SF3A2: variants seen among roughly 807,000 people sequenced by gnomAD.
SF3A2 encodes splicing factor 3a subunit 2.
A neutral mutation model predicts 31.1 loss-of-function variants in SF3A2; 5 were observed. The observed-to-expected ratio is 0.16, with a 90% CI of 0.08 to 0.34. The LOEUF (loss-of-function observed/expected upper bound fraction) is 0.34, where lower values mean the gene tolerates loss of function less well. Among genes scored for constraint, SF3A2 ranks in the 10% least tolerant of loss-of-function variants. The pLI is 1.00. For missense variants in SF3A2, 577 were observed against 643.9 expected (o/e 0.90, Z 1.13); for synonymous variants, 365 against 263.7 (o/e 1.38, Z -3.72).
rs749801469 is a variant in SF3A2 at position 2,247,668 on chromosome 19, T to C, written c.615+6T>C. ...GGAACCGGGAGACCAAGCAGGTGAG[T>C]GGCTCGCCCCGAGCCTGGCTCCTTC... is the stretch of plus-strand genomic sequence containing the variant. On this transcript the variant is annotated splice_donor_region_variant and intron_variant, in intron 8 of 8. Coordinates refer to ENST00000221494, the MANE Select transcript of SF3A2 (RefSeq NM_007165.5). 1.9e-6 allele frequency: 3 copies of C among 1,612,986 alleles called. No individual in the cohort carries two copies. The highest frequency in any genetic ancestry group is 2.5e-6 in the Non-Finnish European group (3 of 1,179,680).
chr19:2,245,671 C>T lies in SF3A2; in HGVS notation c.355+116C>T, dbSNP rs954468393. On this transcript the variant is annotated intron_variant, in intron 5 of 8. Coordinates refer to ENST00000221494, the MANE Select transcript of SF3A2 (RefSeq NM_007165.5). This position sits in a 1 kb window ranked among gnomAD's most constrained non-coding sequence, Gnocchi z 4.2. ...GCCTCCTCCCTGAGCCACTGTTTTC[C>T]GGCCTTGGTGGCCGTCCCTCACCCA... is the stretch of plus-strand genomic sequence containing the variant. 92 of 794,264 alleles carry T rather than the reference C, an allele frequency of 1.2e-4. No individual in the cohort carries two copies. The highest frequency in any genetic ancestry group is 1.7e-4 in the Non-Finnish European group (81 of 475,390). The allele number at this position is 794,264 out of a possible 1,614,324, so 49.2% of individuals were successfully genotyped here. A position where few individuals can be genotyped will look rare whatever the true frequency, so the allele number is the denominator to read the frequency against.
intron 1 of SF3A2, chr19:2,237,612 G>C (rs552111004): frequency 2.0e-5 from 3 of 152,274 alleles, no homozygotes; most frequent in Admixed American, 2.0e-4. Flanking sequence ...ACCAAGATTC[G>C]TTGGGGTCGA....
chr19:2,247,573 C>T (rs2024950457), intron 7 of SF3A2, 21 bp from the exon 8 acceptor site: 4 of 1,612,734 alleles, frequency 2.5e-6, no homozygotes, highest in East Asian at 2.2e-5. Flanking sequence ...CAGGAGCCCT[C>T]TCTGTCCCCC....
Position 2,248,294 on chromosome 19 carries a change from A to G in SF3A2, c.1143A>G (p.Pro381=). 2 of 1,212,944 alleles carry G rather than the reference A, an allele frequency of 1.6e-6. No individual in the cohort carries two copies. The highest frequency in any genetic ancestry group is 2.1e-6 in the Non-Finnish European group (2 of 972,116). The allele number at this position is 1,212,944 out of a possible 1,614,324, so 75.1% of individuals were successfully genotyped here. A position where few individuals can be genotyped will look rare whatever the true frequency, so the allele number is the denominator to read the frequency against. The change falls in exon 9 of 9, where the codon CCA becomes CCG. Residue 381 remains proline (P), a synonymous_variant. Coordinates refer to ENST00000221494, the MANE Select transcript of SF3A2 (RefSeq NM_007165.5). ...GVHPQAPGVH[P]AAPAVHPQAP... ...ACCCCCAGGCCCCGGGGGTGCACCCAGCAGCCCCCGCCGTTCACCCTCAGG... is the reference window on the plus strand; with the variant it reads ...ACCCCCAGGCCCCGGGGGTGCACCCGGCAGCCCCCGCCGTTCACCCTCAGG...
chr19:2,244,503 C>T (rs372727835), intron 2 of SF3A2, 41 bp from the exon 3 acceptor site: 14 of 1,547,916 alleles, frequency 9.0e-6, no homozygotes, highest in Middle Eastern at 1.8e-4. Flanking sequence ...GGCAGCAGGC[C>T]GCGATCTTCT....
intron 1 of SF3A2, 131 bp downstream of exon 1, chr19:2,237,032 C>T (rs1013775603): frequency 6.6e-6 from 1 of 151,982 alleles, no homozygotes; most frequent in Non-Finnish European, 1.5e-5. Context: ...CGCTCCCCTC[C>T]CTCCTCCCGT....
Position 2,248,123 on chromosome 19 carries a change from ACCAACCTCTGGGGTCCACCCC to A in SF3A2, c.976_996del (p.Thr326_Pro332del), listed in dbSNP as rs2024960100. 1 of 1,161,802 alleles carries A rather than the reference ACCAACCTCTGGGGTCCACCCC, an allele frequency of 8.6e-7. No individual in the cohort carries two copies. Among genetic ancestry groups the A allele is most frequent in the Non-Finnish European group, 1.2e-6 (1 of 861,578 alleles). 72.0% of individuals were successfully genotyped at this position (1,161,802 alleles called of 1,614,324 possible). ...ATCCCCCAGCCCCTGGGGTCCACCCACCAACCTCTGGGGTCCACCCCCCAGCTCCTGGAGTCCACCCTCCAG... is the reference window on the plus strand; with the variant it reads ...ATCCCCCAGCCCCTGGGGTCCACCCACCAGCTCCTGGAGTCCACCCTCCAG... On this transcript the variant is annotated inframe_deletion, in exon 9 of 9. Coordinates refer to ENST00000221494, the MANE Select transcript of SF3A2 (RefSeq NM_007165.5).
chr19:2,240,981 C>T (rs1483586101), intron 1 of SF3A2, among the ~76,000 whole-genome samples: 1 of 152,206 alleles, frequency 6.6e-6, no homozygotes, highest in African/African-American at 2.4e-5. Flanking sequence ...GCTCTTCTCT[C>T]TGCCAGAAGC....
intron 1 of SF3A2, among the ~76,000 whole-genome samples, chr19:2,239,255 C>G (rs920410045): frequency 6.6e-6 from 1 of 151,078 alleles, no homozygotes; most frequent in African/African-American, 2.4e-5. Flanking sequence ...ATCTCAGCTA[C>G]TCGGGAGGCT....
intron 1 of SF3A2, among the ~76,000 whole-genome samples, chr19:2,238,090 C>T (rs970745147): frequency 3.3e-5 from 5 of 152,132 alleles, no homozygotes; most frequent in African/African-American, 1.2e-4. Flanking sequence ...GTGGTGCAAT[C>T]ACAGCTTACT....
In SF3A2 at chr19:2,246,598, C is replaced by T. The variant is rs1488754380; in HGVS notation, c.356-155C>T. Among the ~76,000 whole-genome samples, 1 of 152,184 alleles carries T rather than the reference C, an allele frequency of 6.6e-6. No homozygotes were observed. Among genetic ancestry groups the T allele is most frequent in the African/African-American group, 2.4e-5 (1 of 41,442 alleles). ...CCTGTGCCTTCACCTATACCAGAAT[C>T]CCAGAGCCTGGGCGGAGATTGTCTA... On this transcript the variant is annotated intron_variant, in intron 5 of 8. Transcript: ENST00000221494. This position sits in a 1 kb window ranked among gnomAD's most constrained non-coding sequence, Gnocchi z 5.5.
chr19:2,247,718 C>G (rs113103740), intron 8 of SF3A2, 49 bp from the exon 9 acceptor site: 58 of 1,611,116 alleles, frequency 3.6e-5, no homozygotes, highest in Non-Finnish European at 4.6e-5. Flanking sequence ...CGGCCCTAGC[C>G]CTGCCCTAGC....
Position 2,246,916 on chromosome 19 carries a change from C to T in SF3A2, c.440C>T (p.Pro147Leu). The change falls in exon 7 of 9, where the codon CCA becomes CTA. Residue 147 changes from proline to leucine, a missense_variant. Coordinates refer to ENST00000221494, the MANE Select transcript of SF3A2 (RefSeq NM_007165.5). This position sits in a 1 kb window ranked among gnomAD's most constrained non-coding sequence, Gnocchi z 5.5. ...DYPEIAEGIM[P>L]RHRFMSAYEQ... ...CCTGAGATCGCCGAGGGCATCATGCCACGTCACCGCTTCATGTCTGCGTAC... is the reference window on the plus strand; with the variant it reads ...CCTGAGATCGCCGAGGGCATCATGCTACGTCACCGCTTCATGTCTGCGTAC... 1 of 1,610,118 alleles carries T rather than the reference C, an allele frequency of 6.2e-7. No individual in the cohort carries two copies. The highest frequency in any genetic ancestry group is 8.5e-7 in the Non-Finnish European group (1 of 1,178,370).
chr19:2,245,603 A>G lies in SF3A2; in HGVS notation c.355+48A>G, dbSNP rs1487374123. On this transcript the variant is annotated intron_variant, in intron 5 of 8. Transcript: ENST00000221494. The surrounding 1 kb of genome is among the most constrained non-coding windows in gnomAD (Gnocchi z 4.2). ...CGGCCACAGCCGCTGCCGTGACATA[A>G]GTGTGTTCTTTAGTCTCCAGTGCGG... 7.3e-7 allele frequency: 1 copy of G among 1,362,336 alleles called. No homozygotes were observed. The highest frequency in any genetic ancestry group is 2.5e-5 in the East Asian group (1 of 40,030). 84.4% of individuals were successfully genotyped at this position (1,362,336 alleles called of 1,614,324 possible).
Position 2,248,204 on chromosome 19 carries a change from C to A in SF3A2, c.1053C>A (p.His351Gln). The A allele has an allele frequency of 6.9e-7, 1 of 1,451,230 alleles. No individual in the cohort carries two copies. The highest frequency in any genetic ancestry group is 9.3e-7 in the Non-Finnish European group (1 of 1,080,420). The allele number at this position is 1,451,230 out of a possible 1,614,324, so 89.9% of individuals were successfully genotyped here. The part of the protein sequence containing the change: ...PGVHPPAPGV[H>Q]PPAPGVHPPA... ...TTCACCCACCAGCCCCCGGAGTCCA[C>A]CCACCAGCCCCTGGGGTTCACCCAC... The change falls in exon 9 of 9, where the codon CAC (histidine) becomes CAA (glutamine). Residue 351 changes from histidine (H) to glutamine (Q), a missense_variant. This residue lies in a region of SF3A2 where 462 missense variants were observed against 339.1 expected (regional missense o/e 1.36). Coordinates refer to ENST00000221494, the MANE Select transcript of SF3A2 (RefSeq NM_007165.5).
In SF3A2 at chr19:2,248,101, C is replaced by T. The variant is rs1448075683; in HGVS notation, c.950C>T (p.Pro317Leu). 7 of 1,083,830 alleles carry T rather than the reference C, an allele frequency of 6.5e-6. No homozygotes were observed. The highest frequency in any genetic ancestry group is 9.6e-6 in the Non-Finnish European group (7 of 731,392). The allele number at this position is 1,083,830 out of a possible 1,614,324, so 67.1% of individuals were successfully genotyped here. ...CACCCCCCAGCTCCTGGCGTCCATC[C>T]CCCAGCCCCTGGGGTCCACCCACCA... ...GVHPPAPGVH[P>L]PAPGVHPPTS... The change falls in exon 9 of 9, where the codon CCC becomes CTC. Residue 317 changes from proline to leucine, a missense_variant. This residue lies in a region of SF3A2 where 462 missense variants were observed against 339.1 expected (regional missense o/e 1.36). Coordinates refer to ENST00000221494, the MANE Select transcript of SF3A2 (RefSeq NM_007165.5).
rs760578137 is a variant in SF3A2 at position 2,248,353 on chromosome 19, A to G, written c.1202A>G (p.His401Arg). Reference sequence around the variant, plus strand: ...GTGCACCCACCAGCCCCAGGGATGCACCCTCAGGCCCCGGGGGTCCACCCC... The same window carrying G: ...GTGCACCCACCAGCCCCAGGGATGCGCCCTCAGGCCCCGGGGGTCCACCCC... Reference protein sequence around the residue: ...PGVHPPAPGMHPQAPGVHPQP... With the variant: ...PGVHPPAPGMRPQAPGVHPQP... Residue 401 changes from histidine (H) to arginine (R), a missense_variant, in exon 9 of 9, where the codon CAC (histidine) becomes CGC (arginine). Transcript: ENST00000221494. 19 of 1,350,538 alleles carry G rather than the reference A, an allele frequency of 1.4e-5. No individual in the cohort carries two copies. Among genetic ancestry groups the G allele is most frequent in the Non-Finnish European group, 1.7e-5 (18 of 1,058,932 alleles). 83.7% of individuals were successfully genotyped at this position (1,350,538 alleles called of 1,614,324 possible).
chr19:2,239,860 G>A (rs1165905031), intron 1 of SF3A2, among the ~76,000 whole-genome samples: 1 of 152,002 alleles, frequency 6.6e-6, no homozygotes, highest in Non-Finnish European at 1.5e-5. Context: ...ATTTTTCAAG[G>A]GCTTTTTGTT....
rs371574916 is a variant in SF3A2 at position 2,247,673 on chromosome 19, C to G, written c.615+11C>G. On this transcript the variant is annotated intron_variant, in intron 8 of 8. Coordinates refer to ENST00000221494, the MANE Select transcript of SF3A2 (RefSeq NM_007165.5). Reference sequence around the variant, plus strand: ...CGGGAGACCAAGCAGGTGAGTGGCTCGCCCCGAGCCTGGCTCCTTCCCACC... The same window carrying G: ...CGGGAGACCAAGCAGGTGAGTGGCTGGCCCCGAGCCTGGCTCCTTCCCACC... 1 of 1,612,812 alleles carries G rather than the reference C, an allele frequency of 6.2e-7. No individual in the cohort carries two copies. The highest frequency in any genetic ancestry group is 1.7e-4 in the Middle Eastern group (1 of 6,058).
Sources: allele counts gnomAD v4.1 joint callset (sites outside exome capture counted in the v4.1 genomes callset), GRCh38; gene constraint gnomAD v4.1.1; regional missense constraint gnomAD v4.1.1; non-coding constraint Gnocchi (gnomAD v3.1); transcripts MANE v1.5; gene names NCBI Gene and HGNC (gene_info 2026-07-23, HGNC 2026-07-21).